Variants in FBN2 observed in about 807,000 individuals in gnomAD.
The protein encoded by FBN2 is fibrillin 2.
Under a neutral mutation model 355.6 loss-of-function variants are expected in FBN2, and 105 were observed. The observed-to-expected ratio is 0.30, with a 90% confidence interval of 0.25 to 0.35. FBN2 has a LOEUF of 0.35. FBN2 is among the 10% of genes least tolerant of loss of function. The pLI is 1.00. For missense variants in FBN2, 3,280 were observed against 3,758.7 expected (o/e 0.87, Z 3.33); for synonymous variants, 1,350 against 1,301.2 (o/e 1.04, Z -0.81).
intron 3 of FBN2, among the ~76,000 whole-genome samples, chr5:128,529,540 A>G (rs1756651705): frequency 6.6e-6 from 1 of 152,218 alleles, no homozygotes; most frequent in South Asian, 2.1e-4. Flanking sequence ...TCCCTGCTAA[A>G]TTATATACCA....
intron 42 of FBN2, 23 bp downstream of exon 42, chr5:128,307,112 A>G (rs1204668378): frequency 6.6e-7 from 1 of 1,520,628 alleles, no homozygotes; most frequent in Non-Finnish European, 9.1e-7. Context: ...GTATTAAAAC[A>G]AACATAATCT....
rs1212123422 is a variant in FBN2 at position 128,318,087 on chromosome 5, C to G, written c.4717+62G>C. The G allele has an allele frequency of 1.9e-6, 3 of 1,553,516 alleles. No individual in the cohort carries two copies. The East Asian group carries it at 6.7e-5, about 35-fold the overall frequency. On this transcript the variant is annotated intron_variant, in intron 36 of 64. Transcript: ENST00000262464. Reference sequence around the variant, plus strand: ...GCAAACACTCATCACGGTTCATTATCAAGAGAGTCTGAATATTCAACTTGA... The same window carrying G: ...GCAAACACTCATCACGGTTCATTATGAAGAGAGTCTGAATATTCAACTTGA...
intron 4 of FBN2, among the ~76,000 whole-genome samples, chr5:128,522,748 T>C (rs563011481): frequency 1.1e-4 from 17 of 152,304 alleles, no homozygotes; most frequent in African/African-American, 3.6e-4. Flanking sequence ...GAACATATTT[T>C]TTTGTAACAA....
At chr5:128,296,368 G>A (rs1341984147) in intron 48 of FBN2, among the ~76,000 whole-genome samples, 1 of 152,082 alleles carries the variant, frequency 6.6e-6, no homozygotes, top group African/African-American at 2.4e-5. Flanking sequence ...AGTTAGGGAG[G>A]ATTCCCTCTT....
chr5:128,483,982 T>C (rs761609366), intron 5 of FBN2, among the ~76,000 whole-genome samples: 2 of 152,186 alleles, frequency 1.3e-5, no homozygotes, highest in African/African-American at 2.4e-5. Flanking sequence ...TGGAAGTCTA[T>C]GATGGATTGG....
intron 25 of FBN2, 171 bp from the exon 26 acceptor site, chr5:128,339,232 C>A: frequency 1.6e-6 from 1 of 637,000 alleles, no homozygotes; most frequent in Non-Finnish European, 2.8e-6. Flanking sequence ...CATTCCTTTC[C>A]CCAACTGCCA....
chr5:128,468,883 A>G (rs1182525633), intron 5 of FBN2, among the ~76,000 whole-genome samples: 3 of 152,216 alleles, frequency 2.0e-5, no homozygotes, highest in South Asian at 2.1e-4. Flanking sequence ...TTTTCATAAC[A>G]TGTTGAGATT....
rs1053529258 is a variant in FBN2, at chr5:128,318,871, G to C, written c.4594+8C>G. 3 of 1,612,134 alleles carry C rather than the reference G, an allele frequency of 1.9e-6. No homozygotes were observed. The highest frequency in any genetic ancestry group is 1.7e-5 in the Admixed American group (1 of 59,950). On this transcript the variant is annotated splice_region_variant and intron_variant, in intron 35 of 64. Coordinates refer to ENST00000262464, the MANE Select transcript of FBN2 (RefSeq NM_001999.4). ...TCAGAACACAACTTAGCTGGTAACT[G>C]ACCATACCTGTACAGTTCCCTCCTG... is the stretch of plus-strand genomic sequence containing the variant.
At chr5:128,268,240 A>G (rs1055689641) in intron 62 of FBN2, among the ~76,000 whole-genome samples, 1 of 152,246 alleles carries the variant, frequency 6.6e-6, no homozygotes, top group Non-Finnish European at 1.5e-5. Context: ...AGAATACTAT[A>G]AACATCTCTA....
chr5:128,437,799 T>TA (rs1187802386), intron 7 of FBN2, among the ~76,000 whole-genome samples: 1 of 151,298 alleles, frequency 6.6e-6, no homozygotes, highest in Non-Finnish European at 1.5e-5. Context: ...GATAGATAGA[T>TA]AGATAGATAG....
chr5:128,265,434 A>G (rs1765091699), intron 62 of FBN2, among the ~76,000 whole-genome samples: 1 of 152,208 alleles, frequency 6.6e-6, no homozygotes, highest in African/African-American at 2.4e-5. Flanking sequence ...TTTATATTCT[A>G]TAAATGTATA....
At chr5:128,274,011 T>C in intron 60 of FBN2, 43 bp from the exon 61 acceptor site, 1 of 1,610,380 alleles carries the variant, frequency 6.2e-7, no homozygotes. Flanking sequence ...TTTCCAATCA[T>C]AACATGTCTT....
intron 31 of FBN2, among the ~76,000 whole-genome samples, chr5:128,333,839 TCACA>T (rs368334500): frequency 0.064 from 7,911 of 122,870 alleles, 274 homozygotes; most frequent in African/African-American, 0.1. Context: ...GATGCTGAAA[TCACA>T]CACACACACA....
At chr5:128,530,242 C>T (rs1756666242) in intron 3 of FBN2, among the ~76,000 whole-genome samples, 2 of 152,122 alleles carry the variant, frequency 1.3e-5, no homozygotes, top group Admixed American at 6.5e-5. Flanking sequence ...AGTATGTGGT[C>T]AGTACTCAAT....
chr5:128,261,405 C>A (rs1417692184), intron 64 of FBN2, among the ~76,000 whole-genome samples: 1 of 152,186 alleles, frequency 6.6e-6, no homozygotes, highest in Non-Finnish European at 1.5e-5. Flanking sequence ...TAAAACAGAA[C>A]TGAACAAATT....
rs564330879 is a variant in FBN2 at position 128,268,569 on chromosome 5, C to T, written c.7960+3430G>A. On this transcript the variant is annotated intron_variant, in intron 62 of 64. Transcript: ENST00000262464. ...ATACCAAAACCTGGCAGAAACACAA[C>T]AAAAAAAGGAAATTTCAGGCCAATA... Among the ~76,000 whole-genome samples the T allele has an allele frequency of 3.3e-5, 5 of 152,094 alleles. No homozygotes were observed. In the Middle Eastern group the frequency reaches 0.01, roughly 313 times the overall value.
At chr5:128,357,459 A>G (rs1383807285) in intron 19 of FBN2, 64 bp from the exon 20 acceptor site, 8 of 1,599,666 alleles carry the variant, frequency 5.0e-6, no homozygotes, top group Non-Finnish European at 6.8e-6. Context: ...TATTATTCCA[A>G]CAAGCCATGC....
chr5:128,312,026 C>T, intron 37 of FBN2, 73 bp from the exon 38 acceptor site: 1 of 1,025,138 alleles, frequency 9.8e-7, no homozygotes, highest in Non-Finnish European at 1.5e-6. Context: ...AAGCATTCAG[C>T]AAATGACAGG....
chr5:128,477,929 T>A (rs776120301), intron 5 of FBN2, among the ~76,000 whole-genome samples: 8 of 152,240 alleles, frequency 5.3e-5, no homozygotes, highest in African/African-American at 7.2e-5. Flanking sequence ...ATTCAGTTGA[T>A]AAATTAGCCT....
Sources: gnomAD v4.1 joint callset for allele counts (sites outside exome capture counted in the v4.1 genomes callset) on GRCh38, gnomAD v4.1.1 for gene constraint, MANE v1.5 for transcripts, NCBI Gene and HGNC (gene_info 2026-07-23, HGNC 2026-07-21) for gene names.